KIF6: variants seen among roughly 807,000 people sequenced by gnomAD.
KIF6 encodes kinesin-like protein KIF6.
In KIF6, 106 loss-of-function variants were observed where a neutral mutation model predicts 112.7. The ratio of observed to expected loss-of-function variants is 0.94; its 90% confidence interval spans 0.80 to 1.11. The LOEUF (loss-of-function observed/expected upper bound fraction) is 1.11, where lower values mean the gene tolerates loss of function less well. Ranked by LOEUF, KIF6 falls within the 50% of genes least tolerant of loss-of-function variation. The pLI, the probability that KIF6 is intolerant of heterozygous loss-of-function variation, is 0.00. For missense variants in KIF6, 929 were observed against 964.0 expected (o/e 0.96, Z 0.48); for synonymous variants, 339 against 339.9 (o/e 1.00, Z 0.03).
At chr6:39,456,817 C>A (rs1773145409) in intron 13 of KIF6, among the ~76,000 whole-genome samples, 1 of 141,954 alleles carries the variant, frequency 7.0e-6, no homozygotes, top group Non-Finnish European at 1.5e-5. Flanking sequence ...ACAAGAGGAG[C>A]TAACTATCCT....
chr6:39,633,770 G>T (rs1274157516), intron 5 of KIF6, among the ~76,000 whole-genome samples: 3 of 152,098 alleles, frequency 2.0e-5, no homozygotes, highest in Non-Finnish European at 4.4e-5. Context: ...CCCTCCTTTA[G>T]TAGCTTTGTC....
chr6:39,370,823 TG>T (rs1402982763), intron 16 of KIF6, among the ~76,000 whole-genome samples: 3 of 150,742 alleles, frequency 2.0e-5, no homozygotes, highest in South Asian at 4.2e-4. Flanking sequence ...GTGTGGGTGC[TG>T]GGGGTGGGGG....
chr6:39,491,255 G>T (rs1043790410), intron 13 of KIF6, among the ~76,000 whole-genome samples: 3 of 151,956 alleles, frequency 2.0e-5, no homozygotes, highest in Non-Finnish European at 4.4e-5. Context: ...TTTGATGTTG[G>T]TAACTGCCAT....
intron 13 of KIF6, among the ~76,000 whole-genome samples, chr6:39,444,050 G>C (rs1455447989): frequency 6.6e-6 from 1 of 152,132 alleles, no homozygotes; most frequent in Non-Finnish European, 1.5e-5. Flanking sequence ...TGAGAACTTT[G>C]CATATACTAG....
chr6:39,702,355 C>A (rs374662000), intron 3 of KIF6, among the ~76,000 whole-genome samples: 10 of 152,272 alleles, frequency 6.6e-5, no homozygotes, highest in African/African-American at 2.4e-4. Flanking sequence ...AAGCAGGCAG[C>A]CTTTGTTTTG....
chr6:39,519,578 C>G (rs1454065654), intron 13 of KIF6, among the ~76,000 whole-genome samples: 2 of 152,126 alleles, frequency 1.3e-5, no homozygotes, highest in Non-Finnish European at 2.9e-5. Flanking sequence ...TGTCTCCCTC[C>G]TGGTTCCAAA....
intron 9 of KIF6, among the ~76,000 whole-genome samples, chr6:39,578,807 T>C (rs1344943554): frequency 1.3e-5 from 2 of 152,218 alleles, no homozygotes; most frequent in African/African-American, 2.4e-5. Flanking sequence ...TAATGTAGTG[T>C]ATCATTTTGC....
chr6:39,719,539 T>C (rs1234575672), intron 2 of KIF6, among the ~76,000 whole-genome samples: 2 of 152,148 alleles, frequency 1.3e-5, no homozygotes, highest in East Asian at 3.9e-4. Context: ...CGGATTTAAT[T>C]TGGGCTCAAA....
intron 13 of KIF6, among the ~76,000 whole-genome samples, chr6:39,499,929 T>C (rs749649157): frequency 8.5e-5 from 13 of 152,162 alleles, no homozygotes; most frequent in Non-Finnish European, 1.5e-4. Flanking sequence ...GAGGAAGGTA[T>C]AAGCAATGTA....
intron 3 of KIF6, among the ~76,000 whole-genome samples, chr6:39,679,139 G>A (rs1787350800): frequency 6.6e-6 from 1 of 152,138 alleles, no homozygotes; most frequent in East Asian, 1.9e-4. Flanking sequence ...CACAATTAGA[G>A]TTCTGTTATT....
At chr6:39,642,018 C>A (rs1582343716) in intron 3 of KIF6, among the ~76,000 whole-genome samples, 1 of 152,068 alleles carries the variant, frequency 6.6e-6, no homozygotes, top group Non-Finnish European at 1.5e-5. Context: ...TGTAATCAGG[C>A]AAAATTTGTC....
chr6:39,669,515 A>AT (rs1307165531), intron 3 of KIF6, among the ~76,000 whole-genome samples: 2 of 152,218 alleles, frequency 1.3e-5, no homozygotes, highest in Admixed American at 6.5e-5. Flanking sequence ...CACATCTCAC[A>AT]TAGGTCCATT....
chr6:39,470,009 C>G (rs1381202477), intron 13 of KIF6, among the ~76,000 whole-genome samples: 2 of 152,152 alleles, frequency 1.3e-5, no homozygotes, highest in East Asian at 1.9e-4. Context: ...AGATTTTTCA[C>G]AAGCACACAC....
Position 39,540,218 on chromosome 6 carries a change from A to G in KIF6, c.1430T>C (p.Ile477Thr), listed in dbSNP as rs199948803. The G allele has an allele frequency of 9.1e-5, 145 of 1,600,568 alleles. No homozygotes were observed. The East Asian group carries it at 2.6e-3, about 29-fold the overall frequency. ...ILKQRDNEIN[I>T]LVNMLKKEKK... ...TTCTTTTTTTAACATGTTGACCAGGATATCTGAAACTTGACTTAAGGATTT... is the reference window on the plus strand; with the variant it reads ...TTCTTTTTTTAACATGTTGACCAGGGTATCTGAAACTTGACTTAAGGATTT... Residue 477 changes from isoleucine (I) to threonine (T), a missense_variant, in exon 13 of 23, where the codon ATC (isoleucine) becomes ACC (threonine). Ile to Thr is a moderately conservative substitution (Grantham distance 89, BLOSUM62 -1). Coordinates refer to ENST00000287152, the MANE Select transcript of KIF6 (RefSeq NM_145027.6).
intron 13 of KIF6, among the ~76,000 whole-genome samples, chr6:39,476,833 G>T (rs1158400355): frequency 6.6e-6 from 1 of 152,174 alleles, no homozygotes; most frequent in Non-Finnish European, 1.5e-5. Context: ...TTGAACATCT[G>T]TATGTTGCTT....
intron 7 of KIF6, among the ~76,000 whole-genome samples, chr6:39,587,923 G>T (rs1176862506): frequency 6.6e-6 from 1 of 152,156 alleles, no homozygotes. Flanking sequence ...AACCTTCATT[G>T]TACCAAGAGC....
At chr6:39,483,206 C>A (rs1774909163) in intron 13 of KIF6, among the ~76,000 whole-genome samples, 2 of 152,138 alleles carry the variant, frequency 1.3e-5, no homozygotes, top group African/African-American at 4.8e-5. Context: ...GGAAAGGGAA[C>A]AGAATAGACA....
At chr6:39,676,656 A>G (rs1787157817) in intron 3 of KIF6, among the ~76,000 whole-genome samples, 1 of 152,178 alleles carries the variant, frequency 6.6e-6, no homozygotes, top group Non-Finnish European at 1.5e-5. Flanking sequence ...GATTAAAGTG[A>G]ATCATATATA....
chr6:39,616,045 G>C (rs1474892089), intron 5 of KIF6, among the ~76,000 whole-genome samples: 1 of 152,184 alleles, frequency 6.6e-6, no homozygotes. Context: ...TTACTTCACT[G>C]AAACAGGAAA....
Sources: gnomAD v4.1 joint callset for allele counts (sites outside exome capture counted in the v4.1 genomes callset) on GRCh38, gnomAD v4.1.1 for gene constraint, MANE v1.5 for transcripts, NCBI Gene and HGNC (gene_info 2026-07-23, HGNC 2026-07-21) for gene names.